The following NRXN3 variants were observed in gnomAD, a reference collection of about 807,000 sequenced individuals.
NRXN3 encodes the protein neurexin 3.
A neutral mutation model predicts 137.6 loss-of-function variants in NRXN3; 32 were observed. The ratio of observed to expected loss-of-function variants is 0.23; its 90% CI spans 0.18 to 0.31. NRXN3 has a LOEUF of 0.31. Ranked by LOEUF, NRXN3 falls within the 10% of genes least tolerant of loss-of-function variation. The pLI, the probability that NRXN3 is intolerant of heterozygous loss-of-function variation, is 1.00. For synonymous variants in NRXN3, 798 were observed against 784.5 expected (o/e 1.02, Z -0.29); for missense variants, 1,574 against 2,062.5 (o/e 0.76, Z 4.59).
At chr14:79,639,947 G>GCCCTTCACAGAGTGGAGATGAGGCCA (rs1567748976) in intron 16 of NRXN3, among the ~76,000 whole-genome samples, 8 of 135,860 alleles carry the variant, frequency 5.9e-5, no homozygotes, top group South Asian at 2.3e-4. Flanking sequence ...CCCAAGAAGT[G>GCCCTTCACAGAGTGGAGATGAGGCCA]GTTTCAGTAT....
intron 19 of NRXN3, among the ~76,000 whole-genome samples, chr14:79,768,476 A>G (rs1307151913): frequency 3.3e-5 from 5 of 152,162 alleles, no homozygotes; most frequent in Non-Finnish European, 7.4e-5. Flanking sequence ...CTGACCCCCG[A>G]GCAGCCTAAC....
intron 10 of NRXN3, among the ~76,000 whole-genome samples, chr14:78,824,036 GGA>G (rs755766701): frequency 6.6e-6 from 1 of 151,816 alleles, no homozygotes; most frequent in Non-Finnish European, 1.5e-5. Flanking sequence ...CTGTAAAGAG[GGA>G]GAGAGAGTCT....
chr14:79,807,933 A>G (rs930512831), intron 20 of NRXN3, among the ~76,000 whole-genome samples: 4 of 152,164 alleles, frequency 2.6e-5, no homozygotes, highest in African/African-American at 7.2e-5. Context: ...CAGAGAGAGA[A>G]GAGGTTTGCC....
At chr14:79,651,487 A>G (rs1442630823) in intron 16 of NRXN3, among the ~76,000 whole-genome samples, 1 of 152,210 alleles carries the variant, frequency 6.6e-6, no homozygotes, top group Non-Finnish European at 1.5e-5. Context: ...GGAGGAAGAC[A>G]TAGAACATAA....
At chr14:78,512,993 G>A (rs1430932237) in intron 4 of NRXN3, among the ~76,000 whole-genome samples, 1 of 152,176 alleles carries the variant, frequency 6.6e-6, no homozygotes, top group Non-Finnish European at 1.5e-5. Flanking sequence ...AATTCTGTTT[G>A]CTCCAGCACA....
At chr14:78,266,342 A>G (rs1368426379) in intron 2 of NRXN3, among the ~76,000 whole-genome samples, 1 of 151,814 alleles carries the variant, frequency 6.6e-6, no homozygotes, top group Non-Finnish European at 1.5e-5. Flanking sequence ...CTCTGTCGCC[A>G]GGCTGGAGTG....
chr14:79,791,882 T>A (rs934553656), intron 19 of NRXN3, among the ~76,000 whole-genome samples: 12 of 152,294 alleles, frequency 7.9e-5, no homozygotes, highest in African/African-American at 2.6e-4. Context: ...CATTGCCAGC[T>A]CTCGCAAGGA....
At chr14:78,572,448 T>C (rs1447587763) in intron 4 of NRXN3, among the ~76,000 whole-genome samples, 5 of 152,180 alleles carry the variant, frequency 3.3e-5, no homozygotes, top group Non-Finnish European at 5.9e-5. Context: ...AGGGAAGTTC[T>C]AGTGTTTTCA....
intron 19 of NRXN3, among the ~76,000 whole-genome samples, chr14:79,800,419 A>G (rs990740080): frequency 1.3e-5 from 2 of 152,224 alleles, no homozygotes; most frequent in African/African-American, 4.8e-5. Context: ...ATTAAGTGGT[A>G]AATGTTATTA....
intron 1 of NRXN3, among the ~76,000 whole-genome samples, chr14:78,207,047 A>G (rs1399712726): frequency 1.3e-5 from 2 of 151,962 alleles, no homozygotes; most frequent in Non-Finnish European, 2.9e-5. Context: ...TGTTTTTAGT[A>G]GAGAAGGGGT....
At chr14:79,707,567 G>A (rs1256512201) in intron 19 of NRXN3, among the ~76,000 whole-genome samples, 4 of 152,084 alleles carry the variant, frequency 2.6e-5, no homozygotes, top group African/African-American at 9.7e-5. Context: ...ATAAGTCAAG[G>A]GCTTAAATGG....
At chr14:78,513,933 G>C (rs917351258) in intron 4 of NRXN3, among the ~76,000 whole-genome samples, 2 of 152,032 alleles carry the variant, frequency 1.3e-5, no homozygotes, top group Non-Finnish European at 2.9e-5. Context: ...TTGCTTACTG[G>C]TCTTTCTTAA....
intron 4 of NRXN3, among the ~76,000 whole-genome samples, chr14:78,419,986 C>CACA (rs10676901): frequency 0.039 from 5,926 of 150,066 alleles, 168 homozygotes; most frequent in East Asian, 0.091. Flanking sequence ...CACACACACA[C>CACA]GTAAAGTCCT....
chr14:78,532,185 G>A (rs1476141542), intron 4 of NRXN3, among the ~76,000 whole-genome samples: 1 of 151,180 alleles, frequency 6.6e-6, no homozygotes, highest in African/African-American at 2.4e-5. Flanking sequence ...TGCGCGCGTG[G>A]TGGCACATGC....
At chr14:79,352,410 C>T (rs1249216707) in intron 15 of NRXN3, among the ~76,000 whole-genome samples, 1 of 152,078 alleles carries the variant, frequency 6.6e-6, no homozygotes, top group Non-Finnish European at 1.5e-5. Context: ...TATAGAATCT[C>T]GAACTTGAGA....
chr14:78,353,749 G>A (rs1379598888), intron 4 of NRXN3, among the ~76,000 whole-genome samples: 2 of 152,162 alleles, frequency 1.3e-5, no homozygotes, highest in African/African-American at 4.8e-5. Flanking sequence ...TTTGTACCTG[G>A]AAATGGGCAA....
intron 10 of NRXN3, among the ~76,000 whole-genome samples, chr14:78,919,418 G>A (rs2099265146): frequency 6.6e-6 from 1 of 152,082 alleles, no homozygotes; most frequent in Non-Finnish European, 1.5e-5. Context: ...AAAGAAATGA[G>A]TAGTTATTAT....
intron 16 of NRXN3, among the ~76,000 whole-genome samples, chr14:79,582,317 C>G (rs970107942): frequency 4.3e-4 from 66 of 152,312 alleles, no homozygotes; most frequent in African/African-American, 1.5e-3. Flanking sequence ...TAATTTGCAT[C>G]AAATCACTCA....
intron 19 of NRXN3, among the ~76,000 whole-genome samples, chr14:79,721,745 C>G (rs574033971): frequency 2.3e-4 from 35 of 152,212 alleles, no homozygotes; most frequent in African/African-American, 7.9e-4. Flanking sequence ...ACATTTTAAA[C>G]TCAATATCTG....
Sources: gnomAD v4.1 joint callset for allele counts (sites outside exome capture counted in the v4.1 genomes callset) on GRCh38, gnomAD v4.1.1 for gene constraint, MANE v1.5 for transcripts, NCBI Gene and HGNC (gene_info 2026-07-23, HGNC 2026-07-21) for gene names.